The following GRID2 variants were observed in gnomAD, a reference collection of about 807,000 sequenced individuals.
GRID2 encodes the protein glutamate ionotropic receptor delta type subunit 2, also known as glutamate receptor ionotropic, delta-2.
GRID2 carries 33 observed loss-of-function variants against 114.8 expected under a neutral mutation model. The ratio of observed to expected loss-of-function variants is 0.29; its 90% CI spans 0.22 to 0.38. GRID2 has a LOEUF of 0.38. GRID2 is among the 10% of genes least tolerant of loss of function. The pLI is 1.00. For missense variants in GRID2, 1,184 were observed against 1,257.7 expected (o/e 0.94, Z 0.89); for synonymous variants, 505 against 449.9 (o/e 1.12, Z -1.55).
At chr4:92,347,080 C>G (rs896598716) in intron 1 of GRID2, among the ~76,000 whole-genome samples, 2 of 152,082 alleles carry the variant, frequency 1.3e-5, no homozygotes, top group African/African-American at 4.8e-5. Context: ...CTCTCTTATT[C>G]CAGAAGGCTG....
chr4:93,756,428 A>G (rs1385175380), intron 14 of GRID2, among the ~76,000 whole-genome samples: 1 of 152,196 alleles, frequency 6.6e-6, no homozygotes, highest in Non-Finnish European at 1.5e-5. Flanking sequence ...TTTATTTCTC[A>G]CAGTTCTTGA....
At chr4:93,043,187 C>A (rs903658470) in intron 2 of GRID2, among the ~76,000 whole-genome samples, 19 of 152,020 alleles carry the variant, frequency 1.2e-4, no homozygotes, top group African/African-American at 4.6e-4. Context: ...ATGGATTTAG[C>A]AATTAAGTGT....
intron 2 of GRID2, among the ~76,000 whole-genome samples, chr4:93,045,422 A>G (rs1446902443): frequency 3.9e-5 from 6 of 152,024 alleles, no homozygotes; most frequent in Non-Finnish European, 7.4e-5. Flanking sequence ...ATATGTATCT[A>G]TGTATGTATT....
chr4:93,206,041 G>A (rs2149467894), intron 4 of GRID2, among the ~76,000 whole-genome samples: 1 of 151,884 alleles, frequency 6.6e-6, no homozygotes, highest in South Asian at 2.1e-4. Context: ...TGCACATTGT[G>A]CACATGTAAC....
chr4:92,751,119 GAAAA>G (rs1274838532), intron 2 of GRID2, among the ~76,000 whole-genome samples: 2 of 151,882 alleles, frequency 1.3e-5, no homozygotes, highest in Non-Finnish European at 2.9e-5. Context: ...ACCCAATTAA[GAAAA>G]AAGCGTAAAT....
chr4:92,945,520 A>G (rs927986823), intron 2 of GRID2, among the ~76,000 whole-genome samples: 2 of 152,134 alleles, frequency 1.3e-5, no homozygotes, highest in Admixed American at 6.5e-5. Flanking sequence ...GTAAGTCTTC[A>G]TCTCTAGGAA....
At chr4:93,153,001 G>T (rs912482804) in intron 4 of GRID2, among the ~76,000 whole-genome samples, 1 of 152,074 alleles carries the variant, frequency 6.6e-6, no homozygotes, top group Non-Finnish European at 1.5e-5. Flanking sequence ...AACATTTGTT[G>T]TAAGTTACTT....
At chr4:93,343,987 T>G (rs34927766) in intron 8 of GRID2, among the ~76,000 whole-genome samples, 2 of 152,132 alleles carry the variant, frequency 1.3e-5, no homozygotes, top group Admixed American at 6.6e-5. Flanking sequence ...CTTTTTGAAA[T>G]GTTTAGACCA....
Position 92,726,805 on chromosome 4 carries a change from C to T in GRID2, c.244+136519C>T, listed in dbSNP as rs536167520. 2.0e-5 allele frequency among the ~76,000 whole-genome samples: 3 copies of T among 151,988 alleles called. 1 individual carries two copies. The highest frequency in any genetic ancestry group is 4.8e-5 in the African/African-American group (2 of 41,502). On this transcript the variant is annotated intron_variant, in intron 2 of 15. Coordinates refer to ENST00000282020, the MANE Select transcript of GRID2 (RefSeq NM_001510.4). Reference sequence around the variant, plus strand: ...TACCAGAACATTGGTTCGGCTCCAGCGAAATAATTTGGTGCTCCTGTCTAG... The same window carrying T: ...TACCAGAACATTGGTTCGGCTCCAGTGAAATAATTTGGTGCTCCTGTCTAG...
chr4:92,545,008 A>G (rs1560701994), intron 1 of GRID2, among the ~76,000 whole-genome samples: 1 of 151,890 alleles, frequency 6.6e-6, no homozygotes, highest in Non-Finnish European at 1.5e-5. Flanking sequence ...CATATTTCTA[A>G]GCATTTGGGG....
At chr4:92,513,796 T>C (rs1325528209) in intron 1 of GRID2, among the ~76,000 whole-genome samples, 1 of 151,870 alleles carries the variant, frequency 6.6e-6, no homozygotes, top group African/African-American at 2.4e-5. Flanking sequence ...GAAGGGTAAA[T>C]AAATGAATGA....
intron 1 of GRID2, among the ~76,000 whole-genome samples, chr4:92,553,567 AT>A (rs1726702188): frequency 1.3e-5 from 2 of 152,046 alleles, no homozygotes; most frequent in South Asian, 4.1e-4. Context: ...CATCTCACTT[AT>A]TTTTTAATTG....
chr4:92,748,587 C>T (rs1314703790), intron 2 of GRID2, among the ~76,000 whole-genome samples: 1 of 151,504 alleles, frequency 6.6e-6, no homozygotes, highest in African/African-American at 2.4e-5. Flanking sequence ...TCTTGAGGTT[C>T]ACCTCCTCTC....
At chr4:93,678,534 C>A (rs1344853250) in intron 14 of GRID2, among the ~76,000 whole-genome samples, 1 of 151,862 alleles carries the variant, frequency 6.6e-6, no homozygotes, top group African/African-American at 2.4e-5. Context: ...AGAGAAAGGT[C>A]CGGTTACCCA....
chr4:93,124,693 G>A (rs1460860421), intron 4 of GRID2, among the ~76,000 whole-genome samples: 2 of 152,032 alleles, frequency 1.3e-5, no homozygotes, highest in Admixed American at 1.3e-4. Context: ...ACCCCATGAA[G>A]CTTTGTTGAA....
chr4:92,741,958 C>A (rs1736912870), intron 2 of GRID2, among the ~76,000 whole-genome samples: 1 of 151,954 alleles, frequency 6.6e-6, no homozygotes, highest in Non-Finnish European at 1.5e-5. Context: ...AACTCTGGCT[C>A]GAAATGTTTG....
intron 2 of GRID2, among the ~76,000 whole-genome samples, chr4:92,780,177 A>C (rs2149358049): frequency 6.6e-6 from 1 of 152,294 alleles, no homozygotes; most frequent in African/African-American, 2.4e-5. Flanking sequence ...TAGAGCAAAT[A>C]GTGGATAAAG....
chr4:92,646,774 T>C (rs1185754875), intron 2 of GRID2, among the ~76,000 whole-genome samples: 2 of 152,360 alleles, frequency 1.3e-5, no homozygotes, highest in Non-Finnish European at 2.9e-5. Context: ...ATTGCACCCA[T>C]TTTGTGAAAT....
intron 4 of GRID2, among the ~76,000 whole-genome samples, chr4:93,192,630 C>T (rs112979502): frequency 2.6e-5 from 4 of 151,880 alleles, no homozygotes; most frequent in African/African-American, 9.7e-5. Context: ...GCCTCTAATC[C>T]CAGCTACTCG....
Sources: allele counts gnomAD v4.1 joint callset (sites outside exome capture counted in the v4.1 genomes callset), GRCh38; gene constraint gnomAD v4.1.1; transcripts MANE v1.5; gene names NCBI Gene and HGNC (gene_info 2026-07-23, HGNC 2026-07-21).